ADAM23: variants seen among roughly 807,000 people sequenced by gnomAD.
ADAM23 encodes ADAM metallopeptidase domain 23.
In ADAM23, 33 loss-of-function variants were observed where a neutral mutation model predicts 120.1. The ratio of observed to expected loss-of-function variants is 0.27; its 90% CI spans 0.21 to 0.37. The LOEUF is 0.37. ADAM23 is among the 10% of genes least tolerant of loss of function. The probability of loss-of-function intolerance (pLI) is 1.00; values close to 1 mark genes in which losing one functional copy is unlikely to be tolerated. For synonymous variants in ADAM23, 367 were observed against 375.2 expected, an observed-to-expected ratio of 0.98 and a Z score of 0.25; for missense variants, 862 against 1,058.2, an observed-to-expected ratio of 0.81 and a Z score of 2.57.
At chr2:206,583,827 A>G (rs1291928358) in intron 18 of ADAM23, among the ~76,000 whole-genome samples, 1 of 151,978 alleles carries the variant, frequency 6.6e-6, no homozygotes, top group African/African-American at 2.4e-5. Context: ...GATTAGCTTT[A>G]TAACTAACCT....
At chr2:206,587,483 A>C (rs1698345881) in intron 19 of ADAM23, 108 bp downstream of exon 19, 1 of 817,990 alleles carries the variant, frequency 1.2e-6, no homozygotes, top group African/African-American at 1.7e-5. Context: ...ATTTTACTCA[A>C]GTAAATTATT....
At chr2:206,555,897 C>A (rs1160673106) in intron 9 of ADAM23, among the ~76,000 whole-genome samples, 1 of 152,156 alleles carries the variant, frequency 6.6e-6, no homozygotes, top group African/African-American at 2.4e-5. Context: ...TCCTTTTACT[C>A]TTAAGTGTAT....
intron 3 of ADAM23, among the ~76,000 whole-genome samples, chr2:206,489,872 A>G (rs1194380239): frequency 6.6e-6 from 1 of 152,210 alleles, no homozygotes; most frequent in Non-Finnish European, 1.5e-5. Flanking sequence ...TATTTTGGTC[A>G]ATTTGTAACT....
At chr2:206,521,609 T>G (rs1392575127) in intron 3 of ADAM23, among the ~76,000 whole-genome samples, 1 of 152,132 alleles carries the variant, frequency 6.6e-6, no homozygotes, top group Non-Finnish European at 1.5e-5. Context: ...TTTCAGACAT[T>G]TTTCTATATG....
chr2:206,526,127 A>G (rs181573480), intron 3 of ADAM23, among the ~76,000 whole-genome samples: 2 of 148,004 alleles, frequency 1.4e-5, no homozygotes, highest in South Asian at 2.2e-4. Flanking sequence ...CTCATATTCA[A>G]GGATTCCAAC....
At chr2:206,493,223 TAAG>T (rs939261841) in intron 3 of ADAM23, among the ~76,000 whole-genome samples, 10 of 152,310 alleles carry the variant, frequency 6.6e-5, no homozygotes, top group African/African-American at 2.4e-4. Flanking sequence ...AATCCCCAAA[TAAG>T]AATCCTAACT....
intron 18 of ADAM23, among the ~76,000 whole-genome samples, chr2:206,586,527 C>G (rs1698325448): frequency 6.6e-6 from 1 of 152,160 alleles, no homozygotes; most frequent in African/African-American, 2.4e-5. Context: ...GATGGAACAT[C>G]ATTTACTGAG....
intron 4 of ADAM23, among the ~76,000 whole-genome samples, chr2:206,540,117 G>C (rs966035722): frequency 1.3e-5 from 2 of 151,998 alleles, no homozygotes; most frequent in Admixed American, 6.6e-5. Context: ...GGGAGGTAGA[G>C]GTTGCAGTGA....
chr2:206,603,827 A>T (rs577613028), intron 24 of ADAM23, among the ~76,000 whole-genome samples: 2 of 152,304 alleles, frequency 1.3e-5, no homozygotes, highest in East Asian at 3.9e-4. Flanking sequence ...TAAAAAATTA[A>T]CACTCATTTA....
At chr2:206,519,433 T>C (rs1696801624) in intron 3 of ADAM23, among the ~76,000 whole-genome samples, 1 of 152,204 alleles carries the variant, frequency 6.6e-6, no homozygotes, top group Non-Finnish European at 1.5e-5. Context: ...ATCATGACTT[T>C]TTTTTAAACA....
At chr2:206,491,263 A>C (rs1696129038) in intron 3 of ADAM23, among the ~76,000 whole-genome samples, 1 of 152,146 alleles carries the variant, frequency 6.6e-6, no homozygotes, top group African/African-American at 2.4e-5. Context: ...AGCCAGATTT[A>C]GATTTTCTAG....
intron 3 of ADAM23, among the ~76,000 whole-genome samples, chr2:206,483,792 A>C (rs553154517): frequency 6.6e-6 from 1 of 152,296 alleles, no homozygotes; most frequent in South Asian, 2.1e-4. Context: ...AGTTTCAATG[A>C]AACTCTGGGG....
intron 24 of ADAM23, among the ~76,000 whole-genome samples, chr2:206,598,194 T>C (rs573067788): frequency 2.0e-5 from 3 of 152,336 alleles, no homozygotes; most frequent in Admixed American, 1.3e-4. Context: ...AAATTTTCTC[T>C]CCACAGTGTT....
At chr2:206,455,024 G>T (rs768463343) in intron 2 of ADAM23, among the ~76,000 whole-genome samples, 2 of 152,248 alleles carry the variant, frequency 1.3e-5, no homozygotes, top group South Asian at 4.1e-4. Flanking sequence ...CCAATAGGCA[G>T]TGCCCCAGTG....
chr2:206,578,448 C>G (rs1559273825), intron 18 of ADAM23, among the ~76,000 whole-genome samples: 1 of 151,844 alleles, frequency 6.6e-6, no homozygotes, highest in Non-Finnish European at 1.5e-5. Flanking sequence ...ACATATGATG[C>G]TTGGTTTTCC....
intron 9 of ADAM23, among the ~76,000 whole-genome samples, chr2:206,556,029 A>G (rs917214958): frequency 1.9e-4 from 29 of 152,198 alleles, no homozygotes; most frequent in African/African-American, 6.8e-4. Context: ...TCAGATTAAT[A>G]GGATGTTTTA....
At chr2:206,527,348 T>A (rs960297852) in intron 3 of ADAM23, among the ~76,000 whole-genome samples, 1 of 152,194 alleles carries the variant, frequency 6.6e-6, no homozygotes, top group African/African-American at 2.4e-5. Flanking sequence ...TCTTCAGGCA[T>A]GTGGAGACAT....
intron 4 of ADAM23, among the ~76,000 whole-genome samples, chr2:206,533,510 C>T (rs916374486): frequency 1.3e-5 from 2 of 152,172 alleles, no homozygotes; most frequent in African/African-American, 4.8e-5. Flanking sequence ...GCTCAAAGAT[C>T]TCAAATTGTT....
At chr2:206,589,352 G>T in intron 20 of ADAM23, 57 bp from the exon 21 acceptor site, 1 of 1,467,930 alleles carries the variant, frequency 6.8e-7, no homozygotes, top group Non-Finnish European at 9.3e-7. Context: ...CACACTACTG[G>T]TTATGGATAA....
Sources: gnomAD v4.1 joint callset for allele counts (sites outside exome capture counted in the v4.1 genomes callset) on GRCh38, gnomAD v4.1.1 for gene constraint, MANE v1.5 for transcripts, NCBI Gene and HGNC (gene_info 2026-07-23, HGNC 2026-07-21) for gene names.